Variants in ZNF208 observed in about 807,000 individuals in gnomAD.
ZNF208 encodes zinc finger protein 95.
A neutral mutation model predicts 12.1 loss-of-function variants in ZNF208; 10 were observed. The ratio of observed to expected loss-of-function variants is 0.83; its 90% CI spans 0.51 to 1.40. ZNF208 has a LOEUF of 1.40. ZNF208 is among the 40% of genes most tolerant of loss of function. ZNF208 has a pLI of 0.00. For synonymous variants in ZNF208, 497 were observed against 488.4 expected (o/e 1.02, Z -0.23); for missense variants, 1,652 against 1,485.0 (o/e 1.11, Z -1.85).
At chr19:21,960,333 TAA>T (rs1179223375) in intron 4 of ZNF208, among the ~76,000 whole-genome samples, 7 of 152,078 alleles carry the variant, frequency 4.6e-5, no homozygotes, top group Admixed American at 4.6e-4. Context: ...TAAAGGTATC[TAA>T]GTCATAATTT....
rs763548056 is a variant in ZNF208 at position 21,974,063 on chromosome 19, T to C, written c.971A>G (p.Lys324Arg). 1.5e-6 allele frequency: 2 copies of C among 1,325,368 alleles called. No homozygotes were observed. Among genetic ancestry groups the C allele is most frequent in the Non-Finnish European group, 2.0e-6 (2 of 996,396 alleles). 82.1% of individuals were successfully genotyped at this position (1,325,368 alleles called of 1,614,324 possible). A position where few individuals can be genotyped will look rare whatever the true frequency, so the allele number is the denominator to read the frequency against. ...KCKECGKAFS[K>R]VSTLITHKAI... ...CTTATGTGTAATAAGGGTTGAGACC[T>C]TACTGAAGGCTTTGCCACATTCTTT... Residue 324 changes from lysine to arginine, a missense_variant, in exon 4 of 4, where the codon AAG (lysine) becomes AGG (arginine). By Grantham distance (26) the Lys-to-Arg change is conservative (BLOSUM62 2). Coordinates refer to ENST00000397126, the MANE Select transcript of ZNF208 (RefSeq NM_007153.3).
chr19:21,955,474 G>A (rs930393317), intron 4 of ZNF208, among the ~76,000 whole-genome samples: 5 of 152,286 alleles, frequency 3.3e-5, no homozygotes, highest in African/African-American at 4.8e-5. Flanking sequence ...CCAATCAGAC[G>A]TAGATTTGGT....
chr19:21,998,199 G>A (rs953906787), intron 1 of ZNF208: 1 of 139,034 alleles, frequency 7.2e-6, no homozygotes, highest in Non-Finnish European at 1.5e-5. Flanking sequence ...CTGTCGCCCA[G>A]GCTGGAGTGC....
chr19:21,996,159 G>A (rs1265630819), intron 1 of ZNF208, among the ~76,000 whole-genome samples: 2 of 152,110 alleles, frequency 1.3e-5, no homozygotes, highest in African/African-American at 4.8e-5. Context: ...ATGAACATAA[G>A]CAGACAGTTT....
intron 4 of ZNF208, chr19:21,941,175 C>G: frequency 2.5e-6 from 1 of 393,784 alleles, no homozygotes; most frequent in Non-Finnish European, 4.5e-6. Context: ...ACTGCTGGAG[C>G]GGCTGAGGGT....
Position 21,971,080 on chromosome 19 carries a change from G to C in ZNF208, c.*111C>G. ...GTTCCATAAGGTTTGAGGACCAGTT[G>C]AAAGCCTCACCACATTCTTCACATT... On this transcript the variant is annotated 3_prime_UTR_variant, in exon 4 of 4. Coordinates refer to ENST00000397126, the MANE Select transcript of ZNF208 (RefSeq NM_007153.3). 6.2e-7 allele frequency: 1 copy of C among 1,611,584 alleles called. No individual in the cohort carries two copies. Among genetic ancestry groups the C allele is most frequent in the Non-Finnish European group, 8.5e-7 (1 of 1,179,102 alleles).
chr19:22,001,154 G>A (rs893345455), intron 1 of ZNF208, among the ~76,000 whole-genome samples: 2 of 152,152 alleles, frequency 1.3e-5, no homozygotes, highest in African/African-American at 2.4e-5. Context: ...GCATAGTGGT[G>A]CATGCCTGTA....
At chr19:21,950,608 C>T (rs1275779022) in intron 4 of ZNF208, among the ~76,000 whole-genome samples, 3 of 152,040 alleles carry the variant, frequency 2.0e-5, no homozygotes, top group Admixed American at 6.6e-5. Context: ...ATTCTCCTGC[C>T]TCAGCCTCCC....
At chr19:21,959,619 G>C (rs1970032242) in intron 4 of ZNF208, among the ~76,000 whole-genome samples, 1 of 152,152 alleles carries the variant, frequency 6.6e-6, no homozygotes, top group African/African-American at 2.4e-5. Flanking sequence ...AAAATAAAGT[G>C]ACTGCGGATT....
chr19:21,954,737 T>C (rs1969945774), intron 4 of ZNF208, among the ~76,000 whole-genome samples: 1 of 152,200 alleles, frequency 6.6e-6, no homozygotes. Context: ...TCTCTGCAGG[T>C]GAGATGGGTT....
At chr19:21,964,970 T>C (rs1291967705), downstream of ZNF208, among the ~76,000 whole-genome samples, 6 of 151,994 alleles carry the variant, frequency 3.9e-5, no homozygotes, top group African/African-American at 1.4e-4. Flanking sequence ...CGAAAATTTA[T>C]GTTACTACAA....
downstream of ZNF208, chr19:21,966,001 G>A (rs1225673503): frequency 3.3e-5 from 5 of 151,998 alleles, no homozygotes; most frequent in Admixed American, 2.0e-4. Context: ...ACCTGGTATA[G>A]AAACATTCAC....
At chr19:21,987,354 T>G in intron 2 of ZNF208, 43 bp from the exon 3 acceptor site, 10 of 1,565,514 alleles carry the variant, frequency 6.4e-6, no homozygotes, top group Non-Finnish European at 8.7e-6. Context: ...GCTCATATTC[T>G]CCAATTACCA....
rs1352083848 is a variant in ZNF208, at chr19:21,974,802, A to G, written c.232T>C (p.Cys78Arg). 6 of 1,538,842 alleles carry G rather than the reference A, an allele frequency of 3.9e-6. No individual in the cohort carries two copies. The Middle Eastern group carries it at 5.2e-4, about 134-fold the overall frequency. The change falls in exon 4 of 4, where the codon TGT becomes CGT. Residue 78 changes from cysteine to arginine, a missense_variant. Cys to Arg is a radical substitution (Grantham distance 180). Transcript: ENST00000397126. ...CAAAGATCTTGAGCAAAATGAGAAC[A>G]TATAACTGAAAAGAAATAAAAATCA... is the stretch of plus-strand genomic sequence containing the variant. ...HEMVEESPVI[C>R]SHFAQDLWPE... is the part of the protein sequence containing the mutation.
rs1229861697 is a variant in ZNF208, at chr19:21,966,290, T to C, written c.*4901A>G. 3 of 152,080 alleles carry C rather than the reference T, an allele frequency of 2.0e-5. No homozygotes were observed. Among genetic ancestry groups the C allele is most frequent in the African/African-American group, 2.4e-5 (1 of 41,426 alleles). 9.4% of individuals were successfully genotyped at this position (152,080 alleles called of 1,614,324 possible). A position where few individuals can be genotyped will look rare whatever the true frequency, so the allele number is the denominator to read the frequency against. ...CCTTCTTTTTAGAATTCTCAGTGTT[T>C]ATTGTTTTCATCTTTGTTTCCATGT... On this transcript the variant is annotated 3_prime_UTR_variant, in exon 4 of 4. Coordinates refer to ENST00000397126, the MANE Select transcript of ZNF208 (RefSeq NM_007153.3).
intron 1 of ZNF208, among the ~76,000 whole-genome samples, chr19:22,001,876 C>T (rs980295307): frequency 3.9e-5 from 4 of 102,540 alleles, no homozygotes; most frequent in African/African-American, 1.5e-4. Context: ...CTGGATGACA[C>T]AGTGAGACTC....
At chr19:21,944,594 G>A (rs1012034038) in intron 4 of ZNF208, among the ~76,000 whole-genome samples, 9 of 151,976 alleles carry the variant, frequency 5.9e-5, no homozygotes, top group Non-Finnish European at 1.0e-4. Flanking sequence ...TACAGCTACC[G>A]TGTATGAATT....
intron 1 of ZNF208, chr19:21,998,404 GCCTCGGCCTC>G (rs1356110613): frequency 6.6e-6 from 1 of 152,284 alleles, no homozygotes; most frequent in Non-Finnish European, 1.5e-5. Context: ...TGATCCACCT[GCCTCGGCCTC>G]CCAAGTGCTG....
chr19:21,945,136 G>C (rs1004869047), intron 4 of ZNF208, among the ~76,000 whole-genome samples: 2 of 152,098 alleles, frequency 1.3e-5, no homozygotes, highest in African/African-American at 4.8e-5. Context: ...TGCATCAAGA[G>C]GGCCATCCAG....
Sources: gnomAD v4.1 joint callset for allele counts (sites outside exome capture counted in the v4.1 genomes callset) on GRCh38, gnomAD v4.1.1 for gene constraint, MANE v1.5 for transcripts, NCBI Gene and HGNC (gene_info 2026-07-23, HGNC 2026-07-21) for gene names.